The following RANBP17 variants were observed in gnomAD, a reference collection of about 807,000 sequenced individuals.
The protein encoded by RANBP17 is RAN binding protein 17.
In RANBP17, 158 loss-of-function variants were observed where a neutral mutation model predicts 141.2. That is an observed-to-expected ratio of 1.12 (90% CI 0.98 to 1.28). RANBP17 has a LOEUF of 1.28. RANBP17 is among the 50% of genes most tolerant of loss of function. The pLI, the probability that RANBP17 is intolerant of heterozygous loss-of-function variation, is 0.00. For missense variants in RANBP17, 1,438 were observed against 1,290.7 expected, an observed-to-expected ratio of 1.11 and a Z score of -1.75; for synonymous variants, 430 against 450.0, an observed-to-expected ratio of 0.96 and a Z score of 0.56.
At chr5:171,137,575 T>G (rs900068336) in intron 14 of RANBP17, among the ~76,000 whole-genome samples, 9 of 135,184 alleles carry the variant, frequency 6.7e-5, no homozygotes, top group African/African-American at 3.0e-4. Context: ...ACTTGAGATG[T>G]GTGTGTGTGT....
intron 18 of RANBP17, among the ~76,000 whole-genome samples, chr5:171,190,635 T>C (rs937569487): frequency 6.6e-6 from 1 of 151,982 alleles, no homozygotes; most frequent in African/African-American, 2.4e-5. Context: ...TCTAATAAAC[T>C]AAAGGAAAGA....
At chr5:171,179,779 T>C (rs1043433589) in intron 16 of RANBP17, among the ~76,000 whole-genome samples, 7 of 152,096 alleles carry the variant, frequency 4.6e-5, no homozygotes, top group African/African-American at 1.7e-4. Context: ...TTACAATCAG[T>C]GGTGTTTTAG....
chr5:170,893,745 A>G (rs969937792), intron 4 of RANBP17, among the ~76,000 whole-genome samples: 4 of 151,472 alleles, frequency 2.6e-5, no homozygotes, highest in Non-Finnish European at 5.9e-5. Context: ...GTGAGCGGAG[A>G]TTGCGCCACT....
intron 21 of RANBP17, among the ~76,000 whole-genome samples, chr5:171,215,260 G>C (rs529824252): frequency 7.9e-5 from 12 of 152,098 alleles, no homozygotes; most frequent in African/African-American, 2.7e-4. Flanking sequence ...GCTGCATAGT[G>C]TTCCGTGGTG....
chr5:171,095,110 ATTTCT>A (rs1786590186), intron 14 of RANBP17, among the ~76,000 whole-genome samples: 1 of 152,154 alleles, frequency 6.6e-6, no homozygotes, highest in Admixed American at 6.6e-5. Context: ...AGCCAAATAA[ATTTCT>A]TTTCTTTATA....
At chr5:171,187,670 T>A (rs1053580746) in intron 18 of RANBP17, among the ~76,000 whole-genome samples, 2 of 152,188 alleles carry the variant, frequency 1.3e-5, no homozygotes, top group African/African-American at 4.8e-5. Flanking sequence ...TGGTAAAAAT[T>A]AACTTATTTT....
At chr5:171,198,006 T>C (rs1298676801) in intron 18 of RANBP17, among the ~76,000 whole-genome samples, 1 of 152,174 alleles carries the variant, frequency 6.6e-6, no homozygotes, top group Admixed American at 6.5e-5. Context: ...GCCACTGCAC[T>C]CCAGCCTGGA....
intron 24 of RANBP17, chr5:171,251,768 C>A: frequency 1.0e-6 from 1 of 1,003,102 alleles, no homozygotes; most frequent in Non-Finnish European, 1.6e-6. Flanking sequence ...TCCTCCCGCG[C>A]CCGCCCCCGC....
Position 171,293,960 on chromosome 5 carries a change from G to T in RANBP17, c.3021G>T (p.Gly1007=). ...NQWSVSRPLL[G]LILLNEKYFS... ...GGTCAGTATCCAGGCCTCTCCTGGG[G>T]CTCATCCTGCTCAATGAGAAGGTGA... Residue 1007 remains glycine, a synonymous_variant, in exon 26 of 28, where the codon GGG becomes GGT. Coordinates refer to ENST00000523189, the MANE Select transcript of RANBP17 (RefSeq NM_022897.5). 1 of 1,613,120 alleles carries T rather than the reference G, an allele frequency of 6.2e-7. No homozygotes were observed. Among genetic ancestry groups the T allele is most frequent in the Non-Finnish European group, 8.5e-7 (1 of 1,179,156 alleles).
At chr5:170,871,880 G>A (rs1767757976) in intron 1 of RANBP17, among the ~76,000 whole-genome samples, 1 of 152,122 alleles carries the variant, frequency 6.6e-6, no homozygotes, top group Non-Finnish European at 1.5e-5. Context: ...TGGTCTATGT[G>A]TTTGTTTTGG....
chr5:170,888,931 T>A (rs1769378726), intron 3 of RANBP17, among the ~76,000 whole-genome samples: 2 of 152,142 alleles, frequency 1.3e-5, no homozygotes, highest in Non-Finnish European at 1.5e-5. Flanking sequence ...TCAATGGATG[T>A]TGAATTTTGT....
At chr5:170,999,335 G>T (rs1779042757) in intron 14 of RANBP17, among the ~76,000 whole-genome samples, 1 of 151,912 alleles carries the variant, frequency 6.6e-6, no homozygotes, top group Non-Finnish European at 1.5e-5. Flanking sequence ...TTTTCAATTG[G>T]TATAAGCTGG....
intron 14 of RANBP17, among the ~76,000 whole-genome samples, chr5:171,094,252 G>A (rs1786514383): frequency 6.6e-6 from 1 of 152,124 alleles, no homozygotes; most frequent in Non-Finnish European, 1.5e-5. Flanking sequence ...ACTAGTGTGT[G>A]TTTTAATTGT....
At chr5:170,892,167 CA>C (rs1435878266) in intron 3 of RANBP17, among the ~76,000 whole-genome samples, 5 of 137,946 alleles carry the variant, frequency 3.6e-5, no homozygotes, top group African/African-American at 8.2e-5. Flanking sequence ...TTCTGGGATA[CA>C]TGTGCTGAAC....
chr5:171,210,687 G>A (rs1762825979), intron 20 of RANBP17, among the ~76,000 whole-genome samples: 1 of 152,074 alleles, frequency 6.6e-6, no homozygotes, highest in East Asian at 1.9e-4. Flanking sequence ...ACCCTAATTT[G>A]AGCATGTGTT....
chr5:171,121,113 G>T (rs1002550307), intron 14 of RANBP17, among the ~76,000 whole-genome samples: 14 of 152,228 alleles, frequency 9.2e-5, no homozygotes, highest in African/African-American at 3.4e-4. Context: ...CTTATGTTAG[G>T]AGCATATGTG....
intron 14 of RANBP17, among the ~76,000 whole-genome samples, chr5:171,032,777 C>T (rs748868765): frequency 1.3e-5 from 2 of 152,120 alleles, no homozygotes; most frequent in Non-Finnish European, 2.9e-5. Context: ...ACCATATTCT[C>T]AAATTGCTTG....
At chr5:171,180,140 A>T (rs1055770736) in intron 16 of RANBP17, among the ~76,000 whole-genome samples, 16 of 152,186 alleles carry the variant, frequency 1.1e-4, no homozygotes, top group African/African-American at 3.6e-4. Context: ...TCAATCCTGG[A>T]TGTGATGCTG....
chr5:171,090,699 C>G (rs749539876), intron 14 of RANBP17, among the ~76,000 whole-genome samples: 4 of 152,100 alleles, frequency 2.6e-5, no homozygotes, highest in Non-Finnish European at 5.9e-5. Context: ...TCCCTCTGCT[C>G]TGTGCAGTCT....
Sources: allele counts gnomAD v4.1 joint callset (sites outside exome capture counted in the v4.1 genomes callset), GRCh38; gene constraint gnomAD v4.1.1; transcripts MANE v1.5; gene names NCBI Gene and HGNC (gene_info 2026-07-23, HGNC 2026-07-21).